Variants in CNTN6 observed in about 807,000 individuals in gnomAD.
CNTN6 encodes the protein contactin-6.
A neutral mutation model predicts 122.8 loss-of-function variants in CNTN6; 137 were observed. The observed-to-expected ratio is 1.12, with a 90% confidence interval of 0.97 to 1.29. The LOEUF (loss-of-function observed/expected upper bound fraction) is 1.29, where lower values mean the gene tolerates loss of function less well. CNTN6 is among the 50% of genes most tolerant of loss of function. The pLI is 0.00. For synonymous variants in CNTN6, 570 were observed against 426.0 expected (o/e 1.34, Z -4.16); for missense variants, 1,634 against 1,223.4 (o/e 1.34, Z -5.01).
chr3:1,173,777 GA>G (rs34158436), intron 2 of CNTN6, among the ~76,000 whole-genome samples: 9,832 of 143,916 alleles, frequency 0.068, 367 homozygotes, highest in South Asian at 0.11. Flanking sequence ...TCCTTTTGGG[GA>G]AAAAAAAAAA....
At chr3:1,128,952 C>T (rs1447976862) in intron 1 of CNTN6, among the ~76,000 whole-genome samples, 1 of 151,910 alleles carries the variant, frequency 6.6e-6, no homozygotes, top group Non-Finnish European at 1.5e-5. Context: ...ATCTTCACTT[C>T]AATATTGGAA....
chr3:1,276,013 C>G (rs772781745), intron 4 of CNTN6, among the ~76,000 whole-genome samples: 1 of 152,102 alleles, frequency 6.6e-6, no homozygotes, highest in African/African-American at 2.4e-5. Context: ...TTCCTCTAAA[C>G]AATACCAATA....
chr3:1,355,471 C>G (rs1277757395), intron 12 of CNTN6, among the ~76,000 whole-genome samples: 1 of 151,596 alleles, frequency 6.6e-6, no homozygotes, highest in Admixed American at 6.6e-5. Flanking sequence ...TATTTTACAA[C>G]CTACAAATTT....
intron 5 of CNTN6, among the ~76,000 whole-genome samples, chr3:1,290,656 T>C (rs973816047): frequency 1.3e-5 from 2 of 152,242 alleles, no homozygotes; most frequent in African/African-American, 4.8e-5. Context: ...GGCTACTCCA[T>C]AGACATAGCA....
intron 2 of CNTN6, among the ~76,000 whole-genome samples, chr3:1,208,197 C>T (rs559879627): frequency 1.0e-3 from 155 of 152,204 alleles, no homozygotes; most frequent in African/African-American, 3.5e-3. Flanking sequence ...ACTGAAAACA[C>T]TTCCATGTTT....
In CNTN6 at chr3:1,321,664, T is replaced by C; in HGVS notation, c.776T>C (p.Ile259Thr). 6.2e-7 allele frequency: 1 copy of C among 1,611,160 alleles called. No homozygotes were observed. Among genetic ancestry groups the C allele is most frequent in the Non-Finnish European group, 8.5e-7 (1 of 1,178,228 alleles). Reference sequence around the variant, plus strand: ...TAACTGTTTAGTCCAGTCCCCGATATTAGTTGGAGAAGGTTGGACGGGAGC... The same window carrying C: ...TAACTGTTTAGTCCAGTCCCCGATACTAGTTGGAGAAGGTTGGACGGGAGC... ...CFALGNPVPDISWRRLDGSPL... is the reference protein window; with the variant it reads ...CFALGNPVPDTSWRRLDGSPL... The change falls in exon 8 of 23, where the codon ATT becomes ACT. Residue 259 changes from isoleucine to threonine, a missense_variant. Transcript: ENST00000446702.
rs562096428 is a variant in CNTN6, at chr3:1,390,684, G to A, written c.2704+4887G>A. 3.7e-3 allele frequency among the ~76,000 whole-genome samples: 567 copies of A among 152,142 alleles called. 3 individuals are homozygous for A. Among genetic ancestry groups the A allele is most frequent in the African/African-American group, 0.013 (540 of 41,502 alleles). ...CTAGCAAGACTAATAAAGAAAAAGA[G>A]AAGAATCAAATAGACACAATAAAAA... On this transcript the variant is annotated intron_variant, in intron 20 of 22. Coordinates refer to ENST00000446702, the MANE Select transcript of CNTN6 (RefSeq NM_001289080.2).
intron 4 of CNTN6, among the ~76,000 whole-genome samples, chr3:1,271,165 A>G (rs952605794): frequency 3.9e-5 from 6 of 152,220 alleles, no homozygotes; most frequent in African/African-American, 9.7e-5. Flanking sequence ...GGCTGGAGCC[A>G]TGGCGCCTTG....
intron 20 of CNTN6, among the ~76,000 whole-genome samples, chr3:1,388,566 T>C (rs554713377): frequency 6.6e-6 from 1 of 150,872 alleles, no homozygotes; most frequent in Non-Finnish European, 1.5e-5. Context: ...GGACGGAGAA[T>C]GACTTTGACG....
intron 1 of CNTN6, among the ~76,000 whole-genome samples, chr3:1,146,703 G>C (rs1387062823): frequency 6.6e-6 from 1 of 151,912 alleles, no homozygotes; most frequent in Admixed American, 6.6e-5. Context: ...TAACACCATA[G>C]TGCCCATTGT....
At chr3:1,313,532 A>T (rs1451290841) in intron 7 of CNTN6, among the ~76,000 whole-genome samples, 2 of 152,088 alleles carry the variant, frequency 1.3e-5, no homozygotes, top group African/African-American at 4.8e-5. Context: ...GAGAACACTG[A>T]GTCTCAGAGA....
chr3:1,170,201 C>A (rs1389518469), intron 2 of CNTN6, among the ~76,000 whole-genome samples: 3 of 127,500 alleles, frequency 2.4e-5, no homozygotes, highest in Admixed American at 1.9e-4. Context: ...CATGCCACTG[C>A]ACACCAGCCT....
intron 2 of CNTN6, among the ~76,000 whole-genome samples, chr3:1,197,934 T>C (rs1559495709): frequency 1.3e-5 from 2 of 152,158 alleles, no homozygotes; most frequent in South Asian, 4.1e-4. Context: ...CAATGAACGT[T>C]TCCAATACTT....
intron 19 of CNTN6, among the ~76,000 whole-genome samples, chr3:1,383,916 T>C (rs965930008): frequency 1.4e-5 from 2 of 138,318 alleles, no homozygotes; most frequent in African/African-American, 5.5e-5. Flanking sequence ...GCCATGGCAG[T>C]GGTAAACTGA....
intron 7 of CNTN6, among the ~76,000 whole-genome samples, chr3:1,313,627 G>A (rs1699701899): frequency 6.6e-6 from 1 of 151,974 alleles, no homozygotes; most frequent in African/African-American, 2.4e-5. Flanking sequence ...TGTTACCACT[G>A]CTATTATAAA....
At chr3:1,173,280 T>C (rs1382625646) in intron 2 of CNTN6, 1 of 456,582 alleles carries the variant, frequency 2.2e-6, no homozygotes, top group Non-Finnish European at 4.4e-6. Flanking sequence ...CTACCTCTTA[T>C]GCTAAGTGCC....
chr3:1,158,969 C>CACACATATATATAT (rs1553610778), intron 2 of CNTN6, among the ~76,000 whole-genome samples: 2 of 112,982 alleles, frequency 1.8e-5, no homozygotes, highest in African/African-American at 7.6e-5. Context: ...CACACACACA[C>CACACATATATATAT]ATATATATAT....
intron 2 of CNTN6, among the ~76,000 whole-genome samples, chr3:1,206,624 C>T (rs909826843): frequency 2.0e-5 from 3 of 152,116 alleles, no homozygotes; most frequent in Non-Finnish European, 4.4e-5. Flanking sequence ...TTCTCTAGAC[C>T]CTTTTATGAG....
chr3:1,185,050 T>C (rs1404795606), intron 2 of CNTN6, among the ~76,000 whole-genome samples: 5 of 152,236 alleles, frequency 3.3e-5, no homozygotes, highest in Admixed American at 2.6e-4. Flanking sequence ...AAAAATAAGA[T>C]ATATATACTC....
Sources: allele counts gnomAD v4.1 joint callset (sites outside exome capture counted in the v4.1 genomes callset), GRCh38; gene constraint gnomAD v4.1.1; transcripts MANE v1.5; gene names NCBI Gene and HGNC (gene_info 2026-07-23, HGNC 2026-07-21).